Variants in KAZN observed in about 807,000 individuals in gnomAD.
The protein encoded by KAZN is kazrin.
KAZN carries 40 observed loss-of-function variants against 87.4 expected under a neutral mutation model. The observed-to-expected ratio is 0.46, with a 90% CI of 0.36 to 0.60. The LOEUF is 0.60. Ranked by LOEUF, KAZN falls within the 20% of genes least tolerant of loss-of-function variation. The pLI is 0.00. For synonymous variants in KAZN, 466 were observed against 458.3 expected, an observed-to-expected ratio of 1.02 and a Z score of -0.22; for missense variants, 898 against 1,073.9, an observed-to-expected ratio of 0.84 and a Z score of 2.29.
At chr1:14,785,427 T>G (rs573268747) in intron 1 of KAZN, among the ~76,000 whole-genome samples, 1 of 152,112 alleles carries the variant, frequency 6.6e-6, no homozygotes, top group Non-Finnish European at 1.5e-5. Context: ...AGAACAAATA[T>G]GGCGCCAAAT....
rs1455727507 is a variant in KAZN at position 14,110,026 on chromosome 1, T to C, written c.92-70409T>C. 1.5e-5 allele frequency among the ~76,000 whole-genome samples: 2 copies of C among 135,036 alleles called. 1 individual carries two copies. Among genetic ancestry groups the C allele is most frequent in the African/African-American group, 5.7e-5 (2 of 34,804 alleles). The allele number at this position is 135,036 out of a possible 152,430, so 88.6% of individuals were successfully genotyped here. A position where few individuals can be genotyped will look rare whatever the true frequency, so the allele number is the denominator to read the frequency against. On this transcript the variant is annotated intron_variant, in intron 1 of 16. Transcript: ENST00000636203. ...GGATCCTGGTGTTTCACTCCACATA[T>C]TGAATAAGCAAAGCAATAATATGTT...
At chr1:14,504,098 C>T (rs1670421971) in intron 2 of KAZN, among the ~76,000 whole-genome samples, 2 of 152,144 alleles carry the variant, frequency 1.3e-5, no homozygotes, top group African/African-American at 4.8e-5. Flanking sequence ...TAATCCAGAC[C>T]CTGAATGTAT....
intron 2 of KAZN, among the ~76,000 whole-genome samples, chr1:14,191,781 C>T (rs1453412452): frequency 6.6e-6 from 1 of 152,094 alleles, no homozygotes; most frequent in African/African-American, 2.4e-5. Context: ...CAGGAGAAAC[C>T]ATCCATAAGA....
At chr1:14,160,923 G>A (rs564292007) in intron 1 of KAZN, among the ~76,000 whole-genome samples, 1 of 152,164 alleles carries the variant, frequency 6.6e-6, no homozygotes. Context: ...ATTCGTTGCT[G>A]ATAAGAGGAC....
intron 1 of KAZN, among the ~76,000 whole-genome samples, chr1:14,160,995 A>G (rs1303606867): frequency 6.6e-6 from 1 of 152,240 alleles, no homozygotes; most frequent in African/African-American, 2.4e-5. Flanking sequence ...CAAGCACAGA[A>G]GTGCTGAAAC....
At chr1:14,602,680 G>A (rs1392371945) in intron 1 of KAZN, among the ~76,000 whole-genome samples, 1 of 152,202 alleles carries the variant, frequency 6.6e-6, no homozygotes, top group Non-Finnish European at 1.5e-5. Context: ...GCTGATGAAT[G>A]ACTAATATTA....
chr1:14,966,589 C>A (rs1019259233), intron 2 of KAZN, among the ~76,000 whole-genome samples: 2 of 152,176 alleles, frequency 1.3e-5, no homozygotes, highest in Non-Finnish European at 1.5e-5. Context: ...TGTTGCAGTG[C>A]GCATCTGAAA....
chr1:14,855,951 G>A (rs573364661), intron 1 of KAZN, among the ~76,000 whole-genome samples: 2 of 152,332 alleles, frequency 1.3e-5, no homozygotes, highest in South Asian at 2.1e-4. Flanking sequence ...AAAGCAGTTC[G>A]GTGGAGGGAT....
At chr1:14,171,503 T>C (rs1645953730) in intron 1 of KAZN, among the ~76,000 whole-genome samples, 1 of 152,202 alleles carries the variant, frequency 6.6e-6, no homozygotes, top group Admixed American at 6.5e-5. Context: ...GGGGAAAATC[T>C]GAATTATTTA....
intron 1 of KAZN, among the ~76,000 whole-genome samples, chr1:14,847,335 C>T (rs1311092211): frequency 6.6e-6 from 1 of 152,174 alleles, no homozygotes; most frequent in Non-Finnish European, 1.5e-5. Context: ...CCACTGACTG[C>T]AGCCGAGGCC....
intron 2 of KAZN, among the ~76,000 whole-genome samples, chr1:14,998,074 C>G (rs1051136502): frequency 2.8e-4 from 42 of 151,954 alleles, no homozygotes; most frequent in African/African-American, 9.4e-4. Context: ...GGTCTGTGCC[C>G]AGGAGCAGGG....
At chr1:14,955,692 G>A (rs1663006046) in intron 1 of KAZN, among the ~76,000 whole-genome samples, 2 of 152,228 alleles carry the variant, frequency 1.3e-5, no homozygotes, top group Non-Finnish European at 2.9e-5. Context: ...GTGCACGCAG[G>A]AAAAAATCTG....
At chr1:14,494,398 A>G (rs1426429750) in intron 2 of KAZN, among the ~76,000 whole-genome samples, 1 of 152,028 alleles carries the variant, frequency 6.6e-6, no homozygotes, top group African/African-American at 2.4e-5. Context: ...CTTTTTCTTA[A>G]TACTCATGTT....
intron 1 of KAZN, among the ~76,000 whole-genome samples, chr1:14,757,930 G>A (rs970271574): frequency 2.6e-5 from 4 of 152,152 alleles, no homozygotes; most frequent in Admixed American, 6.5e-5. Flanking sequence ...GGAGGAATAC[G>A]TTTTGGTTAA....
At position 14,961,581 on chromosome 1, in the gene KAZN, G is replaced by A. The variant is rs143913042; in HGVS notation, c.418+706G>A. ...TTTGAGAAAGGTTGGAAGCCATCAT[G>A]TAACCTGTCAGTGGACTCCACAGTG... On this transcript the variant is annotated intron_variant, in intron 2 of 14. Transcript: ENST00000376030. Among the ~76,000 whole-genome samples the A allele has an allele frequency of 1.8e-4, 28 of 152,322 alleles. No homozygotes were observed. In the East Asian group the frequency reaches 4.6e-3, roughly 25 times the overall value.
At chr1:14,910,957 G>A (rs1557612364) in intron 1 of KAZN, among the ~76,000 whole-genome samples, 1 of 152,202 alleles carries the variant, frequency 6.6e-6, no homozygotes, top group South Asian at 2.1e-4. Context: ...TGCAAGTTTT[G>A]CAACCTTTCC....
At chr1:14,690,377 C>T (rs972078976) in intron 1 of KAZN, among the ~76,000 whole-genome samples, 1 of 152,150 alleles carries the variant, frequency 6.6e-6, no homozygotes, top group African/African-American at 2.4e-5. Flanking sequence ...AAGTAGATGT[C>T]AGGGAGAGAG....
intron 1 of KAZN, among the ~76,000 whole-genome samples, chr1:14,144,698 G>C (rs1018986733): frequency 6.6e-6 from 1 of 152,176 alleles, no homozygotes; most frequent in Non-Finnish European, 1.5e-5. Context: ...TTTCAAGATG[G>C]AGCATCTGCA....
At chr1:13,971,706 C>T (rs140782006) in intron 1 of KAZN, among the ~76,000 whole-genome samples, 33 of 152,132 alleles carry the variant, frequency 2.2e-4, no homozygotes, top group African/African-American at 8.0e-4. Context: ...ATTGTAATGC[C>T]CAGTGCTGGA....
Sources: allele counts gnomAD v4.1 joint callset (sites outside exome capture counted in the v4.1 genomes callset), GRCh38; gene constraint gnomAD v4.1.1; transcripts MANE v1.5; gene names NCBI Gene and HGNC (gene_info 2026-07-23, HGNC 2026-07-21).